TBL1XR1: variants seen among roughly 807,000 people sequenced by gnomAD.
TBL1XR1 encodes the protein F-box-like/WD repeat-containing protein TBL1XR1.
Under a neutral mutation model 66.9 loss-of-function variants are expected in TBL1XR1, and 5 were observed. The ratio of observed to expected loss-of-function variants is 0.07; its 90% CI spans 0.04 to 0.16. TBL1XR1 has a LOEUF of 0.16. Among genes scored for constraint, TBL1XR1 ranks in the 10% least tolerant of loss-of-function variants. The pLI, the probability that TBL1XR1 is intolerant of heterozygous loss-of-function variation, is 1.00. For synonymous variants in TBL1XR1, 210 were observed against 206.0 expected (o/e 1.02, Z -0.17); for missense variants, 238 against 623.2 (o/e 0.38, Z 6.58).
At chr3:177,139,468 G>A (rs1474849564) in intron 1 of TBL1XR1, among the ~76,000 whole-genome samples, 2 of 151,950 alleles carry the variant, frequency 1.3e-5, no homozygotes, top group East Asian at 1.9e-4. Flanking sequence ...TCAGGAAGTA[G>A]AGGTTGCAGT....
chr3:177,112,095 ATATATATATATATTTTTT>A lies in TBL1XR1; in HGVS notation c.-121-13572_-121-13555del, dbSNP rs1382013895. 6.0e-4 allele frequency among the ~76,000 whole-genome samples: 29 copies of A among 48,062 alleles called. 1 individual carries two copies. The highest frequency in any genetic ancestry group is 3.1e-3 in the African/African-American group (22 of 7,180). 31.5% of individuals were successfully genotyped at this position (48,062 alleles called of 152,430 possible). ...ATCAAATATATATATATATATATAT[ATATATATATATATTTTTT>A]TTTTTTTTTTTTGTGAGGGGCTCTG... On this transcript the variant is annotated intron_variant, in intron 1 of 15. Coordinates refer to ENST00000457928, the MANE Select transcript of TBL1XR1 (RefSeq NM_024665.7).
chr3:177,170,668 C>T (rs1251744495), intron 1 of TBL1XR1, among the ~76,000 whole-genome samples: 1 of 152,116 alleles, frequency 6.6e-6, no homozygotes, highest in East Asian at 1.9e-4. Context: ...CAGGGTCTCA[C>T]TGTGTCACTC....
intron 7 of TBL1XR1, among the ~76,000 whole-genome samples, chr3:177,048,792 C>T (rs1716657365): frequency 2.0e-5 from 3 of 152,214 alleles, no homozygotes; most frequent in Admixed American, 2.0e-4. Flanking sequence ...TAAAAGCCCA[C>T]ACTTTTCAAA....
intron 2 of TBL1XR1, among the ~76,000 whole-genome samples, chr3:177,089,590 AAAGGG>A (rs1722577679): frequency 6.6e-6 from 1 of 152,140 alleles, no homozygotes; most frequent in African/African-American, 2.4e-5. Flanking sequence ...CCTCTCCAAT[AAAGGG>A]TTATAATCAA....
At chr3:177,185,287 T>C (rs1735270565) in intron 1 of TBL1XR1, among the ~76,000 whole-genome samples, 1 of 152,190 alleles carries the variant, frequency 6.6e-6, no homozygotes, top group Non-Finnish European at 1.5e-5. Context: ...GTGTCCTCCT[T>C]TCCAGTCTTC....
At chr3:177,112,107 A>ATATATATT in intron 1 of TBL1XR1, among the ~76,000 whole-genome samples, 14 of 37,648 alleles carry the variant, frequency 3.7e-4, no homozygotes, top group African/African-American at 6.4e-4. Context: ...ATATATATAT[A>ATATATATT]TTTTTTTTTT....
rs1326087726 is a variant in TBL1XR1 at position 177,024,648 on chromosome 3, T to C, written c.*850A>G. On this transcript the variant is annotated 3_prime_UTR_variant, in exon 16 of 16. Coordinates refer to ENST00000457928, the MANE Select transcript of TBL1XR1 (RefSeq NM_024665.7). ...AAAGTTGTGCCCTTCTAGTCTTTAATTGGCAGAAATATGTCCCAAAAAAGA... is the reference window on the plus strand; with the variant it reads ...AAAGTTGTGCCCTTCTAGTCTTTAACTGGCAGAAATATGTCCCAAAAAAGA... 1 of 148,308 alleles carries C rather than the reference T, an allele frequency of 6.7e-6. No homozygotes were observed. Among genetic ancestry groups the C allele is most frequent in the African/African-American group, 2.5e-5 (1 of 40,088 alleles). 9.2% of individuals were successfully genotyped at this position (148,308 alleles called of 1,614,324 possible). A position where few individuals can be genotyped will look rare whatever the true frequency, so the allele number is the denominator to read the frequency against.
chr3:177,200,347 G>A (rs1737315905), upstream of TBL1XR1, among the ~76,000 whole-genome samples: 1 of 152,188 alleles, frequency 6.6e-6, no homozygotes, highest in South Asian at 2.1e-4. Flanking sequence ...TTCCAGCAAA[G>A]GGGGTTTTAA....
intron 7 of TBL1XR1, among the ~76,000 whole-genome samples, chr3:177,049,080 G>C (rs1468192060): frequency 1.3e-5 from 2 of 152,148 alleles, no homozygotes; most frequent in African/African-American, 4.8e-5. Flanking sequence ...GGCAATTTTG[G>C]AAGAAAATGC....
chr3:177,086,738 T>C (rs1722172482), intron 2 of TBL1XR1, among the ~76,000 whole-genome samples: 1 of 151,672 alleles, frequency 6.6e-6, no homozygotes, highest in African/African-American at 2.4e-5. Context: ...AGTTGACCCT[T>C]GTACAAAGCA....
At chr3:177,121,770 A>C (rs960461596) in intron 1 of TBL1XR1, among the ~76,000 whole-genome samples, 1 of 152,198 alleles carries the variant, frequency 6.6e-6, no homozygotes, top group Non-Finnish European at 1.5e-5. Flanking sequence ...TACAGAAGGC[A>C]AGCCTGTTTC....
intron 1 of TBL1XR1, among the ~76,000 whole-genome samples, chr3:177,174,070 G>A (rs1009454810): frequency 6.6e-6 from 1 of 151,996 alleles, no homozygotes; most frequent in African/African-American, 2.4e-5. Context: ...GATTTTTCAC[G>A]TGACTATTCT....
At chr3:177,028,588 C>T (rs975134739) in intron 14 of TBL1XR1, among the ~76,000 whole-genome samples, 45 of 152,186 alleles carry the variant, frequency 3.0e-4, no homozygotes, top group African/African-American at 1.1e-3. Flanking sequence ...CTTAGAGAAA[C>T]TATAAAACTT....
intron 1 of TBL1XR1, among the ~76,000 whole-genome samples, chr3:177,172,004 G>A (rs546845865): frequency 2.9e-4 from 44 of 152,192 alleles, no homozygotes; most frequent in Middle Eastern, 3.4e-3. Flanking sequence ...GGTGGCTCAC[G>A]CCTGTAATCC....
chr3:177,193,479 T>C (rs1437275632), intron 1 of TBL1XR1, among the ~76,000 whole-genome samples: 1 of 151,984 alleles, frequency 6.6e-6, no homozygotes, highest in Admixed American at 6.6e-5. Context: ...CCCAGCTAAT[T>C]TGTGTATTTT....
At chr3:177,104,319 A>G (rs1244389675) in intron 1 of TBL1XR1, among the ~76,000 whole-genome samples, 1 of 152,216 alleles carries the variant, frequency 6.6e-6, no homozygotes, top group Non-Finnish European at 1.5e-5. Flanking sequence ...ATATATACAT[A>G]TTTGTAAATC....
Position 177,197,413 on chromosome 3 carries a change from G to A in TBL1XR1, c.-414C>T, listed in dbSNP as rs1421962937. ...CGGGGGGAGGCGGCGCGCGGGGGAA[G>A]GGCGCGAGCGGGGAGAGGAATTGAG... On this transcript the variant is annotated 5_prime_UTR_variant, in exon 1 of 16. Coordinates refer to ENST00000457928, the MANE Select transcript of TBL1XR1 (RefSeq NM_024665.7). The A allele has an allele frequency of 6.8e-6, 1 of 146,496 alleles. No homozygotes were observed. Among genetic ancestry groups the A allele is most frequent in the East Asian group, 2.0e-4 (1 of 4,970 alleles). 9.1% of individuals were successfully genotyped at this position (146,496 alleles called of 1,614,324 possible).
intron 12 of TBL1XR1, among the ~76,000 whole-genome samples, chr3:177,037,128 A>C (rs1280019021): frequency 2.0e-5 from 3 of 152,220 alleles, no homozygotes; most frequent in Non-Finnish European, 4.4e-5. Context: ...GCTATGTATC[A>C]GTTTCCCAGC....
At chr3:177,183,405 A>T (rs13327631) in intron 1 of TBL1XR1, among the ~76,000 whole-genome samples, 2,415 of 152,304 alleles carry the variant, frequency 0.016, 56 homozygotes, top group African/African-American at 0.055. Context: ...AATCCATGTT[A>T]ACGTTTGTGT....
Sources: allele counts gnomAD v4.1 joint callset (sites outside exome capture counted in the v4.1 genomes callset), GRCh38; gene constraint gnomAD v4.1.1; transcripts MANE v1.5; gene names NCBI Gene and HGNC (gene_info 2026-07-23, HGNC 2026-07-21).